Variants in MPP7 observed in about 807,000 individuals in gnomAD.
The protein encoded by MPP7 is MAGUK p55 subfamily member 7.
A neutral mutation model predicts 76.5 loss-of-function variants in MPP7; 60 were observed. The ratio of observed to expected loss-of-function variants is 0.78; its 90% confidence interval spans 0.64 to 0.97. The LOEUF (loss-of-function observed/expected upper bound fraction) is 0.97, where lower values mean the gene tolerates loss of function less well. MPP7 is among the 50% of genes least tolerant of loss of function. MPP7 has a pLI of 0.00. For missense variants in MPP7, 641 were observed against 694.0 expected, an observed-to-expected ratio of 0.92 and a Z score of 0.86; for synonymous variants, 237 against 244.5, an observed-to-expected ratio of 0.97 and a Z score of 0.29.
intron 6 of MPP7, among the ~76,000 whole-genome samples, chr10:28,128,419 C>G (rs1200307311): frequency 6.6e-6 from 1 of 152,110 alleles, no homozygotes. Flanking sequence ...GATTTTGGCA[C>G]ATTTTGGATT....
At chr10:28,268,376 G>A (rs1273004199) in intron 1 of MPP7, among the ~76,000 whole-genome samples, 2 of 152,186 alleles carry the variant, frequency 1.3e-5, no homozygotes, top group East Asian at 1.9e-4. Flanking sequence ...CATAGAGTAC[G>A]TTGTAAGCCA....
chr10:28,063,515 C>CG (rs955111553), intron 13 of MPP7, among the ~76,000 whole-genome samples: 2 of 151,610 alleles, frequency 1.3e-5, no homozygotes, highest in Non-Finnish European at 2.9e-5. Flanking sequence ...CAAAGAAGAT[C>CG]GGGGGTCCCC....
intron 2 of MPP7, among the ~76,000 whole-genome samples, chr10:28,209,443 TG>T (rs1838058470): frequency 6.7e-6 from 1 of 149,068 alleles, no homozygotes; most frequent in Non-Finnish European, 1.5e-5. Flanking sequence ...CACTCCAGCC[TG>T]AGTGACAGAA....
intron 3 of MPP7, among the ~76,000 whole-genome samples, chr10:28,175,100 G>C (rs1230577171): frequency 6.6e-6 from 1 of 152,046 alleles, no homozygotes; most frequent in Non-Finnish European, 1.5e-5. Context: ...GACCAGCCTG[G>C]TTTACATGGC....
chr10:28,301,006 A>AT (rs900046713), intron 1 of MPP7, among the ~76,000 whole-genome samples: 11 of 152,060 alleles, frequency 7.2e-5, no homozygotes, highest in African/African-American at 2.7e-4. Context: ...CATGTTCCTG[A>AT]TAACTAGTAA....
intron 11 of MPP7, among the ~76,000 whole-genome samples, chr10:28,113,379 T>G (rs1226803304): frequency 6.6e-6 from 1 of 152,150 alleles, no homozygotes; most frequent in Non-Finnish European, 1.5e-5. Context: ...CTCTGCTATT[T>G]CATGCACCCC....
chr10:28,285,845 GTTTTT>G (rs879782334), intron 1 of MPP7, among the ~76,000 whole-genome samples: 1 of 146,032 alleles, frequency 6.8e-6, no homozygotes, highest in Non-Finnish European at 1.5e-5. Flanking sequence ...GTGGTAGCCT[GTTTTT>G]TTTTTTATTT....
At chr10:28,072,091 T>C (rs904409021) in intron 12 of MPP7, among the ~76,000 whole-genome samples, 1 of 152,066 alleles carries the variant, frequency 6.6e-6, no homozygotes, top group Admixed American at 6.5e-5. Flanking sequence ...CTGGCCAACA[T>C]GGTCAAACCT....
At chr10:28,068,095 G>A (rs1168048822) in intron 13 of MPP7, among the ~76,000 whole-genome samples, 1 of 151,810 alleles carries the variant, frequency 6.6e-6, no homozygotes, top group East Asian at 1.9e-4. Context: ...CATCTTCTAG[G>A]TCTCTTCTAT....
rs540891687 is a variant in MPP7, at chr10:28,122,870, T to C, written c.615+1161A>G. 5.3e-5 allele frequency among the ~76,000 whole-genome samples: 8 copies of C among 152,288 alleles called. No homozygotes were observed. In the East Asian group the frequency reaches 1.3e-3, roughly 26 times the overall value. On this transcript the variant is annotated intron_variant, in intron 8 of 16. Coordinates refer to ENST00000683449, the MANE Select transcript of MPP7 (RefSeq NM_001318170.2). Reference sequence around the variant, plus strand: ...AGTTTTGAATTCTAGTAGACACATCTGTTATTTTTCTATTTGACTTTCATA... The same window carrying C: ...AGTTTTGAATTCTAGTAGACACATCCGTTATTTTTCTATTTGACTTTCATA...
At chr10:28,298,718 G>A (rs1348130884) in intron 1 of MPP7, among the ~76,000 whole-genome samples, 2 of 152,182 alleles carry the variant, frequency 1.3e-5, no homozygotes, top group Admixed American at 6.5e-5. Context: ...AAGAAAGTCC[G>A]AGACGGCATC....
chr10:28,283,413 G>C (rs1840724709), intron 1 of MPP7, among the ~76,000 whole-genome samples: 1 of 152,028 alleles, frequency 6.6e-6, no homozygotes, highest in Admixed American at 6.6e-5. Flanking sequence ...GACATCTAGG[G>C]AGGGTTTGCA....
intron 2 of MPP7, among the ~76,000 whole-genome samples, chr10:28,324,488 G>T (rs1417292086): frequency 6.6e-6 from 1 of 152,160 alleles, no homozygotes; most frequent in South Asian, 2.1e-4. Flanking sequence ...TCACTCAAGG[G>T]TTCTTTAATT....
chr10:28,239,104 G>A (rs1410442714), intron 1 of MPP7, among the ~76,000 whole-genome samples: 1 of 151,854 alleles, frequency 6.6e-6, no homozygotes, highest in Non-Finnish European at 1.5e-5. Flanking sequence ...GTAGAACAGA[G>A]ACTATATAAA....
chr10:28,102,509 A>G lies in MPP7; in HGVS notation c.953-12668T>C, dbSNP rs540308180. Among the ~76,000 whole-genome samples the G allele has an allele frequency of 1.8e-4, 28 of 152,340 alleles. 1 individual carries two copies. In the South Asian group the frequency reaches 5.8e-3, roughly 32 times the overall value. ...AGCTTATTAAATATGGTTTTAAAGT[A>G]TAATTCTCATAAAAATTGGCATTTA... is the stretch of plus-strand genomic sequence containing the variant. On this transcript the variant is annotated intron_variant, in intron 11 of 16. Transcript: ENST00000683449.
chr10:28,125,158 A>G, intron 6 of MPP7, 67 bp from the exon 7 acceptor site: 1 of 1,309,060 alleles, frequency 7.6e-7, no homozygotes, highest in Non-Finnish European at 1.1e-6. Flanking sequence ...AAAGGAGGAA[A>G]TAAGGACATT....
intron 1 of MPP7, among the ~76,000 whole-genome samples, chr10:28,254,494 G>A (rs774844136): frequency 5.9e-5 from 9 of 152,146 alleles, no homozygotes; most frequent in Non-Finnish European, 1.3e-4. Flanking sequence ...CTCATCCTGA[G>A]TTCACAGCTT....
intron 3 of MPP7, among the ~76,000 whole-genome samples, chr10:28,182,946 CG>C (rs1837107237): frequency 6.6e-6 from 1 of 152,114 alleles, no homozygotes; most frequent in Non-Finnish European, 1.5e-5. Flanking sequence ...GGCGTGATGG[CG>C]CATGCCTATA....
intron 1 of MPP7, among the ~76,000 whole-genome samples, chr10:28,277,854 A>T (rs951083076): frequency 1.3e-5 from 2 of 152,096 alleles, no homozygotes; most frequent in African/African-American, 4.8e-5. Context: ...TGGGATTCGA[A>T]GGTAAGTCCA....
Sources: gnomAD v4.1 joint callset for allele counts (sites outside exome capture counted in the v4.1 genomes callset) on GRCh38, gnomAD v4.1.1 for gene constraint, MANE v1.5 for transcripts, NCBI Gene and HGNC (gene_info 2026-07-23, HGNC 2026-07-21) for gene names.